Variants in TAS2R14 observed in about 807,000 individuals in gnomAD.
The protein encoded by TAS2R14 is taste receptor type 2 member 14.
For missense variants in TAS2R14, 383 were observed against 372.0 expected, an observed-to-expected ratio of 1.03 and a Z score of -0.24; for synonymous variants, 131 against 131.0, an observed-to-expected ratio of 1.00 and a Z score of 0.00.
At chr12:10,939,195 T>G in exon 1 of TAS2R14, 1 of 1,570,786 alleles carries the variant, frequency 6.4e-7, no homozygotes, top group Non-Finnish European at 8.6e-7. Context: ...ATGCTCTTTA[T>G]GACACCACCC....
chr12:10,939,128 A>T, exon 1 of TAS2R14: 1 of 1,603,084 alleles, frequency 6.2e-7, no homozygotes, highest in Non-Finnish European at 8.5e-7. Context: ...CACCAGTGCT[A>T]TGAAACTATT....
At chr12:10,938,506 G>A in exon 1 of TAS2R14, 2 of 1,614,068 alleles carry the variant, frequency 1.2e-6, no homozygotes, top group Non-Finnish European at 1.7e-6. Context: ...GGAAGAAAGT[G>A]ATCACACTTT....
chr12:10,938,544 C>A, exon 1 of TAS2R14: 1 of 1,613,934 alleles, frequency 6.2e-7, no homozygotes, highest in South Asian at 1.1e-5. Context: ...TTGGTGCTGG[C>A]GTCTCCGGAT....
At chr12:10,938,714 C>T (rs954937958) in exon 1 of TAS2R14, 17 of 1,613,946 alleles carry the variant, frequency 1.1e-5, no homozygotes, top group Non-Finnish European at 1.4e-5. Flanking sequence ...ATCAGAACTG[C>T]AAGTCTTGTT....
exon 1 of TAS2R14, chr12:10,937,968 T>A (rs949953589): frequency 2.2e-5 from 6 of 277,072 alleles, no homozygotes; most frequent in African/African-American, 1.3e-4. Context: ...ACATGTATTT[T>A]ATACATTATA....
Position 10,939,029 on chromosome 12 carries a change from C to CA in TAS2R14, n.493-453dup, listed in dbSNP as rs766385069. The CA allele has an allele frequency of 1.7e-5, 27 of 1,613,568 alleles. No individual in the cohort carries two copies. The East Asian group carries it at 5.6e-4, about 33-fold the overall frequency. On this transcript the variant is annotated intron_variant and non_coding_transcript_variant, in intron 4 of 4. Transcript: ENST00000381852. ...CACACACCAGCTTCCGAATATTAAC[C>CA]AAACCAGGCTAATTCGAGAGATTGC...
At chr12:10,938,248 A>G in exon 1 of TAS2R14, 2 of 1,546,566 alleles carry the variant, frequency 1.3e-6, no homozygotes, top group Non-Finnish European at 1.7e-6. Context: ...TTTTTTTCTA[A>G]TATATTCAAG....
chr12:10,938,585 T>C (rs1184104561), exon 1 of TAS2R14: 3 of 1,613,876 alleles, frequency 1.9e-6, no homozygotes, highest in Non-Finnish European at 2.5e-6. Context: ...CTTCTTGCGA[T>C]GTTTCCACAT....
exon 1 of TAS2R14, chr12:10,938,177 A>C: frequency 1.0e-6 from 1 of 1,000,342 alleles, no homozygotes; most frequent in South Asian, 1.7e-5. Context: ...AGTTATACAC[A>C]ATGAAAGAAT....
chr12:10,939,261 G>T, exon 1 of TAS2R14: 1 of 1,007,118 alleles, frequency 9.9e-7, no homozygotes, highest in Non-Finnish European at 1.4e-6. Context: ...ACTTCTTAAT[G>T]CATTCATCTA....
At chr12:10,937,605 A>AGT (rs1950309816) in exon 1 of TAS2R14, 1 of 152,170 alleles carries the variant, frequency 6.6e-6, no homozygotes, top group Non-Finnish European at 1.5e-5. Context: ...TGAATGTTCA[A>AGT]ACCATTTCAT....
exon 1 of TAS2R14, chr12:10,938,231 G>A (rs1280956390): frequency 6.9e-7 from 1 of 1,449,116 alleles, no homozygotes. Flanking sequence ...AATTTCTTAG[G>A]AGCTATTTTT....
exon 1 of TAS2R14, chr12:10,938,173 AC>A: frequency 2.1e-6 from 2 of 957,630 alleles, no homozygotes; most frequent in Non-Finnish European, 3.1e-6. Context: ...ACAAAGTTAT[AC>A]ACAATGAAAG....
chr12:10,938,755 A>G (rs1426261096), exon 1 of TAS2R14: 2 of 1,613,912 alleles, frequency 1.2e-6, no homozygotes, highest in Non-Finnish European at 1.7e-6. Context: ...TGGCATTTAT[A>G]TGGATGTTTA....
Position 10,939,087 on chromosome 12 carries a change from T to A in TAS2R14, c.121A>T (p.Ile41Phe), listed in dbSNP as rs376693738. Residue 41 changes from isoleucine (I) to phenylalanine (F), a missense_variant, in exon 1 of 1, where the codon ATC (isoleucine) becomes TTC (phenylalanine). Physicochemically the swap from Ile to Phe is conservative, Grantham distance 21. Coordinates refer to ENST00000537503, the Ensembl canonical transcript of TAS2R14. ...GTGAGGATCCGATCAACCGAAGAGA[T>A]CTTTCTTCCCTTGACCCAGTCAATA... 5.3e-5 allele frequency: 85 copies of A among 1,613,824 alleles called. No individual in the cohort carries two copies. The highest frequency in any genetic ancestry group is 6.8e-5 in the Non-Finnish European group (80 of 1,179,962).
In TAS2R14 at chr12:10,938,819, A is replaced by C. The variant is rs746098263; in HGVS notation, c.389T>G (p.Val130Gly). 7 of 1,613,486 alleles carry C rather than the reference A, an allele frequency of 4.3e-6. No homozygotes were observed. Among genetic ancestry groups the C allele is most frequent in the Admixed American group, 1.7e-5 (1 of 59,912 alleles). The change falls in exon 1 of 1, where the codon GTT becomes GGT. Residue 130 changes from valine (V) to glycine (G), a missense_variant. Physicochemically the swap from Val to Gly is moderately radical, Grantham distance 109 (BLOSUM62 -3). Transcript: ENST00000537503. ...CGAAGTCACAAGAAGCAGCACCAAA[A>C]CCACCTTTTTAACCCTCCACTTTAG...
exon 1 of TAS2R14, chr12:10,938,067 G>A (rs1490803891): frequency 6.5e-5 from 31 of 479,664 alleles, no homozygotes; most frequent in Non-Finnish European, 9.9e-5. Context: ...TATAGTATTC[G>A]CATTCTTCTC....
exon 1 of TAS2R14, chr12:10,938,416 A>G: frequency 6.2e-7 from 1 of 1,613,950 alleles, no homozygotes; most frequent in African/African-American, 1.3e-5. Context: ...TCACCTGGGA[A>G]AGAATAATTA....
At chr12:10,938,769 G>A in exon 1 of TAS2R14, 1 of 1,613,534 alleles carries the variant, frequency 6.2e-7, no homozygotes, top group Non-Finnish European at 8.5e-7. Context: ...ATGTTTATCA[G>A]TGCAATATTT....
Sources: gnomAD v4.1 joint callset for allele counts on GRCh38, gnomAD v4.1.1 for gene constraint, MANE v1.5 for transcripts, NCBI Gene and HGNC (gene_info 2026-07-23, HGNC 2026-07-21) for gene names.